Variants in ULK4 observed in about 807,000 individuals in gnomAD.
The protein encoded by ULK4 is unc-51 like kinase 4.
Under a neutral mutation model 160.6 loss-of-function variants are expected in ULK4, and 133 were observed. The observed-to-expected ratio is 0.83, with a 90% CI of 0.72 to 0.96. The LOEUF (loss-of-function observed/expected upper bound fraction) is 0.96. ULK4 is among the 40% of genes least tolerant of loss of function. The pLI, the probability that ULK4 is intolerant of heterozygous loss-of-function variation, is 0.00. For missense variants in ULK4, 1,580 were observed against 1,499.5 expected (o/e 1.05, Z -0.89); for synonymous variants, 534 against 539.8 (o/e 0.99, Z 0.15).
At chr3:41,317,633 CA>C (rs2080171381) in intron 35 of ULK4, among the ~76,000 whole-genome samples, 1 of 152,148 alleles carries the variant, frequency 6.6e-6, no homozygotes, top group African/African-American at 2.4e-5. Flanking sequence ...CAAAATGCAA[CA>C]ATCATTTTTC....
At chr3:41,408,427 C>CAAA (rs59444673) in intron 34 of ULK4, among the ~76,000 whole-genome samples, 4 of 44,092 alleles carry the variant, frequency 9.1e-5, no homozygotes, top group African/African-American at 1.4e-4. Context: ...GACTCCATCT[C>CAAA]AAAAAAAAAA....
chr3:41,810,794 T>C (rs143378018), intron 19 of ULK4, among the ~76,000 whole-genome samples: 171 of 152,356 alleles, frequency 1.1e-3, no homozygotes, highest in African/African-American at 3.9e-3. Context: ...TTTACATCTA[T>C]TGAAATGTTA....
intron 34 of ULK4, among the ~76,000 whole-genome samples, chr3:41,400,705 G>A (rs978703180): frequency 2.6e-5 from 4 of 152,134 alleles, no homozygotes; most frequent in Admixed American, 1.3e-4. Flanking sequence ...ACAATGGCTG[G>A]GTTGTATGGG....
chr3:41,911,970 T>C (rs539515551), intron 9 of ULK4, among the ~76,000 whole-genome samples: 3 of 152,060 alleles, frequency 2.0e-5, no homozygotes, highest in South Asian at 4.1e-4. Context: ...CTGGGCAACA[T>C]AGTGAGACCT....
intron 22 of ULK4, among the ~76,000 whole-genome samples, chr3:41,718,372 G>C (rs1202542128): frequency 6.6e-6 from 1 of 152,174 alleles, no homozygotes; most frequent in Non-Finnish European, 1.5e-5. Context: ...TTATCTACTA[G>C]TTTTATGATA....
intron 29 of ULK4, among the ~76,000 whole-genome samples, chr3:41,671,470 A>T (rs1437260310): frequency 6.6e-6 from 1 of 152,144 alleles, no homozygotes; most frequent in Non-Finnish European, 1.5e-5. Context: ...CAACAAAGCC[A>T]TCAACAACAC....
At chr3:41,773,106 C>A (rs1054125721) in intron 21 of ULK4, among the ~76,000 whole-genome samples, 1 of 152,138 alleles carries the variant, frequency 6.6e-6, no homozygotes, top group African/African-American at 2.4e-5. Context: ...AAACCCACAG[C>A]CAATATCATA....
At chr3:41,303,834 G>A (rs1275477751) in intron 35 of ULK4, among the ~76,000 whole-genome samples, 3 of 152,088 alleles carry the variant, frequency 2.0e-5, no homozygotes, top group East Asian at 3.9e-4. Flanking sequence ...TGAATTTGGG[G>A]GCTGTATGGG....
chr3:41,902,576 A>G lies in ULK4; in HGVS notation c.1183-1747T>C, dbSNP rs1698411278. ...CTAGGTGACAAAGCGAGACTCCACC[A>G]AAAAAAAAAAAGAAAAAAAAAAAAA... On this transcript the variant is annotated intron_variant, in intron 12 of 36. Transcript: ENST00000301831. Among the ~76,000 whole-genome samples, 3 of 142,074 alleles carry G rather than the reference A, an allele frequency of 2.1e-5. 1 individual carries two copies. The South Asian group carries it at 6.6e-4, about 31-fold the overall frequency. The allele number at this position is 142,074 out of a possible 152,430, so 93.2% of individuals were successfully genotyped here. A position where few individuals can be genotyped will look rare whatever the true frequency, so the allele number is the denominator to read the frequency against.
In ULK4 at chr3:41,831,531, AT is replaced by A. The variant is rs1553666744; in HGVS notation, c.1764+4332del. 1.8e-3 allele frequency among the ~76,000 whole-genome samples: 251 copies of A among 138,128 alleles called. 2 individuals are homozygous for A. The highest frequency in any genetic ancestry group is 2.5e-3 in the Non-Finnish European group (163 of 65,046). 90.6% of individuals were successfully genotyped at this position (138,128 alleles called of 152,430 possible). ...TTATTGTTATTTTATATATATATAT[AT>A]TTTTTTTTCTTTCTTAAACTTTAGG... On this transcript the variant is annotated intron_variant, in intron 18 of 36. Coordinates refer to ENST00000301831, the MANE Select transcript of ULK4 (RefSeq NM_017886.4).
chr3:41,849,674 T>C (rs2042161384), intron 17 of ULK4, among the ~76,000 whole-genome samples: 1 of 152,056 alleles, frequency 6.6e-6, no homozygotes, highest in Admixed American at 6.6e-5. Flanking sequence ...TCAATGTAGG[T>C]TTATCGACTA....
Position 41,954,625 on chromosome 3 carries a change from G to C in ULK4, c.135C>G (p.Asn45Lys). Residue 45 changes from asparagine to lysine, a missense_variant, in exon 2 of 37, where the codon AAC (asparagine) becomes AAG (lysine). Coordinates refer to ENST00000301831, the MANE Select transcript of ULK4 (RefSeq NM_017886.4). ...CAATGGAAATACACTGACTTACCCA[G>C]TTGGTTATTTCAGGCCTTTTGCACT... The part of the protein sequence containing the change: ...TDKCKRPEIT[N>K]WVRLTREIKH... The C allele has an allele frequency of 6.2e-7, 1 of 1,612,572 alleles. No homozygotes were observed. Among genetic ancestry groups the C allele is most frequent in the Non-Finnish European group, 8.5e-7 (1 of 1,179,408 alleles).
intron 35 of ULK4, among the ~76,000 whole-genome samples, chr3:41,363,192 TA>T (rs2081182934): frequency 6.6e-6 from 1 of 152,176 alleles, no homozygotes; most frequent in Non-Finnish European, 1.5e-5. Flanking sequence ...GGGGGGCACA[TA>T]GAGATGCCCA....
chr3:41,268,850 C>T (rs1157094624), intron 35 of ULK4, among the ~76,000 whole-genome samples: 5 of 151,614 alleles, frequency 3.3e-5, no homozygotes, highest in Non-Finnish European at 5.9e-5. Flanking sequence ...ACACTCCACC[C>T]TCTTCCCAGA....
chr3:41,497,406 T>C (rs1464510997), intron 32 of ULK4, among the ~76,000 whole-genome samples: 1 of 151,970 alleles, frequency 6.6e-6, no homozygotes, highest in African/African-American at 2.4e-5. Context: ...ATGTATATAA[T>C]ATACATATAT....
chr3:41,799,823 A>C (rs549708509), intron 20 of ULK4, among the ~76,000 whole-genome samples: 2 of 152,264 alleles, frequency 1.3e-5, no homozygotes, highest in South Asian at 4.1e-4. Flanking sequence ...AGATCACACC[A>C]CTGCACTCCA....
At chr3:41,484,126 A>G (rs985482598) in intron 32 of ULK4, among the ~76,000 whole-genome samples, 3 of 152,200 alleles carry the variant, frequency 2.0e-5, no homozygotes, top group South Asian at 4.1e-4. Context: ...GTCTTCAGCC[A>G]CTGTTCCTAG....
chr3:41,572,604 CA>C (rs35989954), intron 31 of ULK4, among the ~76,000 whole-genome samples: 13 of 146,610 alleles, frequency 8.9e-5, no homozygotes, highest in East Asian at 2.0e-4. Context: ...ACTAAAAATA[CA>C]AAAAAAAAAA....
At chr3:41,723,875 G>A (rs2037557833) in intron 22 of ULK4, among the ~76,000 whole-genome samples, 1 of 152,196 alleles carries the variant, frequency 6.6e-6, no homozygotes, top group Non-Finnish European at 1.5e-5. Flanking sequence ...TTCCTTCCGA[G>A]CATGTGACTG....
Sources: gnomAD v4.1 joint callset for allele counts (sites outside exome capture counted in the v4.1 genomes callset) on GRCh38, gnomAD v4.1.1 for gene constraint, MANE v1.5 for transcripts, NCBI Gene and HGNC (gene_info 2026-07-23, HGNC 2026-07-21) for gene names.